The following PTK2 variants were observed in gnomAD, a reference collection of about 807,000 sequenced individuals.
The protein encoded by PTK2 is focal adhesion kinase 1.
A neutral mutation model predicts 150.1 loss-of-function variants in PTK2; 45 were observed. That is an observed-to-expected ratio of 0.30 (90% CI 0.24 to 0.38). The LOEUF (loss-of-function observed/expected upper bound fraction) is 0.38, where lower values mean the gene tolerates loss of function less well. Among genes scored for constraint, PTK2 ranks in the 10% least tolerant of loss-of-function variants. The pLI is 1.00. For missense variants in PTK2, 919 were observed against 1,307.3 expected (o/e 0.70, Z 4.58); for synonymous variants, 432 against 449.2 (o/e 0.96, Z 0.48).
At chr8:140,851,942 C>T (rs771644197) in intron 5 of PTK2, among the ~76,000 whole-genome samples, 1 of 151,884 alleles carries the variant, frequency 6.6e-6, no homozygotes, top group Admixed American at 6.6e-5. Flanking sequence ...TGTGTGTGTG[C>T]CCGTGTGTGT....
chr8:140,959,227 A>G (rs1248611487), intron 1 of PTK2, among the ~76,000 whole-genome samples: 6 of 152,116 alleles, frequency 3.9e-5, no homozygotes, highest in African/African-American at 1.4e-4. Flanking sequence ...TTACACACAC[A>G]TATATTTTTT....
chr8:140,778,523 C>G (rs1046426030), intron 14 of PTK2, among the ~76,000 whole-genome samples: 4 of 152,182 alleles, frequency 2.6e-5, no homozygotes, highest in Non-Finnish European at 5.9e-5. Context: ...GCACTTATGG[C>G]TGGCAAATGC....
At chr8:140,770,675 T>C (rs770600429) in intron 14 of PTK2, 41 bp downstream of exon 15, 6 of 1,101,718 alleles carry the variant, frequency 5.4e-6, no homozygotes, top group Non-Finnish European at 6.0e-6. Flanking sequence ...TCTGGAGTGC[T>C]CTGGTTAATA....
intron 27 of PTK2, among the ~76,000 whole-genome samples, chr8:140,680,081 C>G (rs979706437): frequency 6.6e-6 from 1 of 152,250 alleles, no homozygotes; most frequent in Admixed American, 6.5e-5. Flanking sequence ...ACGACAGTAC[C>G]CGATGTGTCA....
intron 29 of PTK2, among the ~76,000 whole-genome samples, chr8:140,673,375 T>A (rs1564050693): frequency 6.6e-6 from 1 of 152,098 alleles, no homozygotes. Flanking sequence ...CCCGAAATGC[T>A]GGGATTACAG....
At chr8:140,687,507 C>A (rs1329201210) in intron 26 of PTK2, among the ~76,000 whole-genome samples, 1 of 152,172 alleles carries the variant, frequency 6.6e-6, no homozygotes, top group African/African-American at 2.4e-5. Context: ...ATAATTACTT[C>A]CCTCATTAGA....
chr8:140,745,374 C>T (rs1332157012), intron 18 of PTK2, among the ~76,000 whole-genome samples: 6 of 152,186 alleles, frequency 3.9e-5, no homozygotes, highest in African/African-American at 1.4e-4. Context: ...AAGGCAGACA[C>T]AATTAATACC....
chr8:140,832,828 T>C (rs1382864065), intron 7 of PTK2: 3 of 518,474 alleles, frequency 5.8e-6, no homozygotes, highest in Non-Finnish European at 7.7e-6. Flanking sequence ...GGGCAAGGTG[T>C]ACGTGCACGC....
intron 7 of PTK2, among the ~76,000 whole-genome samples, chr8:140,832,525 T>A (rs935035045): frequency 6.6e-6 from 1 of 152,066 alleles, no homozygotes; most frequent in Non-Finnish European, 1.5e-5. Context: ...AAGGGGGCAG[T>A]TTCTGTTCTG....
At chr8:140,834,009 A>G (rs1396325852) in intron 7 of PTK2, among the ~76,000 whole-genome samples, 1 of 152,210 alleles carries the variant, frequency 6.6e-6, no homozygotes, top group African/African-American at 2.4e-5. Flanking sequence ...GTTGAATTAA[A>G]TTAAAAATTC....
At chr8:140,774,383 T>C (rs1291942373) in intron 14 of PTK2, among the ~76,000 whole-genome samples, 1 of 152,196 alleles carries the variant, frequency 6.6e-6, no homozygotes, top group East Asian at 1.9e-4. Context: ...GTTTGAACAC[T>C]TGGAGGCTAA....
chr8:140,777,223 C>A (rs962982549), intron 14 of PTK2, among the ~76,000 whole-genome samples: 6 of 152,174 alleles, frequency 3.9e-5, no homozygotes, highest in African/African-American at 1.4e-4. Flanking sequence ...GTTCACAGTT[C>A]TGCCAGCTTC....
At chr8:140,862,340 C>T (rs536151046) in intron 5 of PTK2, among the ~76,000 whole-genome samples, 3 of 152,028 alleles carry the variant, frequency 2.0e-5, no homozygotes, top group South Asian at 4.2e-4. Flanking sequence ...TTATCTCCTT[C>T]GCCAAAATAT....
intron 27 of PTK2, among the ~76,000 whole-genome samples, chr8:140,679,925 G>GA (rs1007392615): frequency 2.6e-5 from 4 of 152,082 alleles, no homozygotes; most frequent in African/African-American, 4.8e-5. Flanking sequence ...GCACAAAAGG[G>GA]AAAAAAATCA....
At chr8:140,983,673 AG>A (rs1290086706) in intron 1 of PTK2, among the ~76,000 whole-genome samples, 1 of 141,116 alleles carries the variant, frequency 7.1e-6, no homozygotes, top group East Asian at 2.4e-4. Flanking sequence ...GAAGGAAGGA[AG>A]GAAGAAGGAA....
chr8:140,960,977 T>A (rs984313120), intron 1 of PTK2, among the ~76,000 whole-genome samples: 1 of 152,122 alleles, frequency 6.6e-6, no homozygotes, highest in African/African-American at 2.4e-5. Context: ...CGAAACTCTG[T>A]CTCAAAAATA....
At chr8:140,680,782 C>A (rs764358579) in intron 27 of PTK2, among the ~76,000 whole-genome samples, 4 of 152,182 alleles carry the variant, frequency 2.6e-5, no homozygotes, top group Non-Finnish European at 5.9e-5. Flanking sequence ...GCTGATAATG[C>A]AACCTTCTTG....
chr8:140,850,120 T>A (rs2100128278), intron 5 of PTK2, among the ~76,000 whole-genome samples: 1 of 151,866 alleles, frequency 6.6e-6, no homozygotes, highest in African/African-American at 2.4e-5. Context: ...CTTCTGAAAG[T>A]TGGTTTTTAA....
chr8:140,971,318 T>C (rs769079522), intron 1 of PTK2, among the ~76,000 whole-genome samples: 12 of 152,242 alleles, frequency 7.9e-5, no homozygotes, highest in Non-Finnish European at 1.6e-4. Context: ...AGTATTTAAA[T>C]CTGTCAGGTG....
Sources: allele counts gnomAD v4.1 joint callset (sites outside exome capture counted in the v4.1 genomes callset), GRCh38; gene constraint gnomAD v4.1.1; transcripts MANE v1.5; gene names NCBI Gene and HGNC (gene_info 2026-07-23, HGNC 2026-07-21).